The following ST8SIA5 variants were observed in gnomAD, a reference collection of about 807,000 sequenced individuals.
The protein encoded by ST8SIA5 is ST8 alpha-N-acetyl-neuraminide alpha-2,8-sialyltransferase 5.
In ST8SIA5, 24 loss-of-function variants were observed where a neutral mutation model predicts 40.2. That is an observed-to-expected ratio of 0.60 (90% CI 0.43 to 0.84). The LOEUF is 0.84. Among genes scored for constraint, ST8SIA5 ranks in the 40% least tolerant of loss-of-function variants. The pLI is 0.00. For synonymous variants in ST8SIA5, 198 were observed against 201.8 expected (o/e 0.98, Z 0.16); for missense variants, 465 against 498.5 (o/e 0.93, Z 0.64).
chr18:46,686,425 G>A (rs768246221), intron 4 of ST8SIA5, 139 bp from the exon 5 acceptor site: 20 of 693,654 alleles, frequency 2.9e-5, no homozygotes, highest in African/African-American at 7.1e-5. Context: ...GGAGGAAAGC[G>A]GCTTTCCACT....
At chr18:46,725,604 C>T (rs1748994520) in intron 1 of ST8SIA5, among the ~76,000 whole-genome samples, 1 of 151,952 alleles carries the variant, frequency 6.6e-6, no homozygotes, top group African/African-American at 2.4e-5. Context: ...AGGTTTTATA[C>T]CAGAAAGCTG....
At position 46,756,897 on chromosome 18, in the gene ST8SIA5, C is replaced by T. The variant is rs1394827883; in HGVS notation, c.-389G>A. 4.8e-6 allele frequency: 1 copy of T among 207,636 alleles called. No individual in the cohort carries two copies. Among genetic ancestry groups the T allele is most frequent in the Non-Finnish European group, 9.6e-6 (1 of 104,616 alleles). 12.9% of individuals were successfully genotyped at this position (207,636 alleles called of 1,614,324 possible). ...GCCAATGGGGAGCAAGACCCGGGCT[C>T]CGTCCCCTGTGCGCCCCAGCGCGCC... is the stretch of plus-strand genomic sequence containing the variant. On this transcript the variant is annotated 5_prime_UTR_variant, in exon 1 of 7. Coordinates refer to ENST00000315087, the MANE Select transcript of ST8SIA5 (RefSeq NM_013305.6).
rs1043634840 is a variant in ST8SIA5, at chr18:46,671,270, T to C, written c.*8772A>G. On this transcript the variant is annotated 3_prime_UTR_variant, in exon 7 of 7. Transcript: ENST00000315087. ...GCATCTTTGGAGGAGGGAGACTAGA[T>C]TGAGGCAGAAACCAGGTACTAACTC... The C allele has an allele frequency of 6.6e-6, 1 of 152,194 alleles. No homozygotes were observed. The highest frequency in any genetic ancestry group is 1.5e-5 in the Non-Finnish European group (1 of 68,046). The allele number at this position is 152,194 out of a possible 1,614,324, so 9.4% of individuals were successfully genotyped here.
chr18:46,721,804 C>T (rs2039866740), intron 1 of ST8SIA5, among the ~76,000 whole-genome samples: 2 of 152,226 alleles, frequency 1.3e-5, no homozygotes, highest in Admixed American at 1.3e-4. Flanking sequence ...TTCCTGCCTC[C>T]AGTTAAACCA....
chr18:46,701,852 T>A (rs2039619993), intron 2 of ST8SIA5, among the ~76,000 whole-genome samples: 1 of 152,106 alleles, frequency 6.6e-6, no homozygotes, highest in Non-Finnish European at 1.5e-5. Context: ...TTTTATAATT[T>A]AAAAAAATTA....
intron 1 of ST8SIA5, among the ~76,000 whole-genome samples, chr18:46,706,133 TTAAG>T (rs1296934479): frequency 1.3e-5 from 2 of 151,950 alleles, no homozygotes; most frequent in Non-Finnish European, 2.9e-5. Context: ...TAATATAGTT[TTAAG>T]TACTATAATT....
chr18:46,679,130 G>A lies in ST8SIA5; in HGVS notation c.*912C>T, dbSNP rs903421796. 2 of 152,252 alleles carry A rather than the reference G, an allele frequency of 1.3e-5. No homozygotes were observed. Among genetic ancestry groups the A allele is most frequent in the Non-Finnish European group, 1.5e-5 (1 of 68,066 alleles). The allele number at this position is 152,252 out of a possible 1,614,324, so 9.4% of individuals were successfully genotyped here. On this transcript the variant is annotated 3_prime_UTR_variant, in exon 7 of 7. Coordinates refer to ENST00000315087, the MANE Select transcript of ST8SIA5 (RefSeq NM_013305.6). ...GCAGGATTCAGAGACATGAGAGGAA[G>A]AGGTCTTTATAAATAACTCCTGGTT...
At chr18:46,721,147 C>A (rs1353575949) in intron 1 of ST8SIA5, among the ~76,000 whole-genome samples, 3 of 152,162 alleles carry the variant, frequency 2.0e-5, no homozygotes, top group Non-Finnish European at 4.4e-5. Context: ...CCAGTGAATC[C>A]CCGCTTGGTT....
rs780097367 is a variant in ST8SIA5, at chr18:46,680,064, G to A, written c.1109C>T (p.Thr370Met). Residue 370 changes from threonine (T) to methionine (M), a missense_variant, in exon 7 of 7, where the codon ACG becomes ATG. Transcript: ENST00000315087. Reference sequence around the variant, plus strand: ...CCATCAGCAGCAGCTGCAGGTGCCCGTGTGCACGCGGAGGATGCCTCGGCT... The same window carrying A: ...CCATCAGCAGCAGCTGCAGGTGCCCATGTGCACGCGGAGGATGCCTCGGCT... ...LHSRGILRVH[T>M]GTCSCC 4 of 1,608,948 alleles carry A rather than the reference G, an allele frequency of 2.5e-6. No individual in the cohort carries two copies. The highest frequency in any genetic ancestry group is 3.4e-6 in the Non-Finnish European group (4 of 1,176,414).
chr18:46,726,310 GTT>G (rs2039929504), intron 1 of ST8SIA5, among the ~76,000 whole-genome samples: 1 of 151,920 alleles, frequency 6.6e-6, no homozygotes, highest in Non-Finnish European at 1.5e-5. Flanking sequence ...GGAACTGGTA[GTT>G]GCTGGGCCAA....
intron 1 of ST8SIA5, among the ~76,000 whole-genome samples, chr18:46,713,763 C>A (rs1599125333): frequency 6.6e-6 from 1 of 152,178 alleles, no homozygotes; most frequent in Non-Finnish European, 1.5e-5. Context: ...GAAGGCACCA[C>A]TGATCTAGCA....
At chr18:46,735,964 G>A (rs1395985215) in intron 1 of ST8SIA5, among the ~76,000 whole-genome samples, 2 of 151,968 alleles carry the variant, frequency 1.3e-5, no homozygotes, top group Non-Finnish European at 2.9e-5. Context: ...AGGAAATTAG[G>A]GGAAGTGGAT....
At chr18:46,734,864 T>C (rs2040019018) in intron 1 of ST8SIA5, among the ~76,000 whole-genome samples, 1 of 152,192 alleles carries the variant, frequency 6.6e-6, no homozygotes, top group Non-Finnish European at 1.5e-5. Flanking sequence ...TCTTGGTAAA[T>C]GTGATGGTTA....
chr18:46,755,525 C>A (rs1441955573), intron 1 of ST8SIA5, among the ~76,000 whole-genome samples: 1 of 152,058 alleles, frequency 6.6e-6, no homozygotes, highest in East Asian at 1.9e-4. Flanking sequence ...TCAAACCAGG[C>A]GGAGGAACCC....
chr18:46,684,469 C>T (rs2039426600), intron 5 of ST8SIA5, among the ~76,000 whole-genome samples: 2 of 151,922 alleles, frequency 1.3e-5, no homozygotes, highest in Admixed American at 1.3e-4. Flanking sequence ...TCATACTGAC[C>T]CCAAGGGGTA....
In ST8SIA5 at chr18:46,717,354, AGAC is replaced by A. The variant is rs1395145048; in HGVS notation, c.132-12693_132-12691del. Reference sequence around the variant, plus strand: ...CTGCCCCGTCTCTACTTTTTTTTTTAGACGGAGTTTTGCTCTTGTTGCCCAGGC... The same window carrying A: ...CTGCCCCGTCTCTACTTTTTTTTTTAGGAGTTTTGCTCTTGTTGCCCAGGC... On this transcript the variant is annotated intron_variant, in intron 1 of 6. Transcript: ENST00000315087. Among the ~76,000 whole-genome samples, 8 of 151,448 alleles carry A rather than the reference AGAC, an allele frequency of 5.3e-5. No homozygotes were observed. In the East Asian group the frequency reaches 1.5e-3, roughly 29 times the overall value.
At chr18:46,732,330 A>T (rs1425715470) in intron 1 of ST8SIA5, among the ~76,000 whole-genome samples, 2 of 152,224 alleles carry the variant, frequency 1.3e-5, no homozygotes, top group Non-Finnish European at 2.9e-5. Flanking sequence ...ATAGGCCTGG[A>T]ACCCAGGAGT....
At chr18:46,726,227 A>C (rs2039928371) in intron 1 of ST8SIA5, among the ~76,000 whole-genome samples, 1 of 151,008 alleles carries the variant, frequency 6.6e-6, no homozygotes, top group South Asian at 2.1e-4. Context: ...AATTTGTAAA[A>C]AAATTTAAAA....
intron 1 of ST8SIA5, chr18:46,730,202 T>C (rs542940398): frequency 3.2e-4 from 311 of 985,126 alleles, no homozygotes; most frequent in Non-Finnish European, 3.7e-4. Flanking sequence ...AGCAGATGAC[T>C]CACCTCCAGG....
Sources: allele counts gnomAD v4.1 joint callset (sites outside exome capture counted in the v4.1 genomes callset), GRCh38; gene constraint gnomAD v4.1.1; transcripts MANE v1.5; gene names NCBI Gene and HGNC (gene_info 2026-07-23, HGNC 2026-07-21).